Variants in SLIT3 observed in about 807,000 individuals in gnomAD.
The protein encoded by SLIT3 is slit homolog 3 protein.
A neutral mutation model predicts 184.0 loss-of-function variants in SLIT3; 68 were observed. The observed-to-expected ratio is 0.37, with a 90% CI of 0.30 to 0.45. The LOEUF is 0.45. SLIT3 is among the 20% of genes least tolerant of loss of function. The probability of loss-of-function intolerance (pLI) is 1.00; values close to 1 mark genes in which losing one functional copy is unlikely to be tolerated. For missense variants in SLIT3, 1,707 were observed against 2,026.0 expected (o/e 0.84, Z 3.02); for synonymous variants, 831 against 828.6 (o/e 1.00, Z -0.05).
intron 3 of SLIT3, among the ~76,000 whole-genome samples, chr5:169,221,376 G>A (rs574118722): frequency 6.6e-6 from 1 of 152,140 alleles, no homozygotes; most frequent in Non-Finnish European, 1.5e-5. Context: ...CATTATGTGA[G>A]TGTCAATACA....
rs151115591 is a variant in SLIT3, at chr5:168,968,452, T to A, written c.414-85116A>T. ...ACACCACTCTTCACTGCCATCATTG[T>A]CAACAGTCTCGCTGCCAACTTTGGA... On this transcript the variant is annotated intron_variant, in intron 4 of 35. Coordinates refer to ENST00000519560, the MANE Select transcript of SLIT3 (RefSeq NM_003062.4). Among the ~76,000 whole-genome samples, 91 of 152,332 alleles carry A rather than the reference T, an allele frequency of 6.0e-4. 1 individual carries two copies. In the East Asian group the frequency reaches 9.6e-3, roughly 16 times the overall value.
In SLIT3 at chr5:168,723,679, G is replaced by A. The variant is rs141921474; in HGVS notation, c.2340-675C>T. 1.1e-3 allele frequency among the ~76,000 whole-genome samples: 165 copies of A among 152,298 alleles called. 1 individual carries two copies. The East Asian group carries it at 0.027, about 25-fold the overall frequency. ...TAGGAGGACTGAGGTTGGTGGGGGT[G>A]CAGTCCTCTGCCAGCTGCAACCTCG... On this transcript the variant is annotated intron_variant, in intron 21 of 35. Coordinates refer to ENST00000519560, the MANE Select transcript of SLIT3 (RefSeq NM_003062.4).
At chr5:168,941,433 G>T (rs958642608) in intron 4 of SLIT3, among the ~76,000 whole-genome samples, 1 of 152,120 alleles carries the variant, frequency 6.6e-6, no homozygotes, top group Non-Finnish European at 1.5e-5. Context: ...GTTGTTTTTA[G>T]TATGAAATGG....
At chr5:168,850,861 G>T (rs1758642908) in intron 5 of SLIT3, among the ~76,000 whole-genome samples, 1 of 152,104 alleles carries the variant, frequency 6.6e-6, no homozygotes, top group Admixed American at 6.5e-5. Context: ...TGATGGATTA[G>T]CCACAAAGAG....
intron 4 of SLIT3, among the ~76,000 whole-genome samples, chr5:169,019,052 A>C (rs1190151828): frequency 2.6e-5 from 4 of 152,192 alleles, no homozygotes; most frequent in African/African-American, 9.7e-5. Flanking sequence ...AACAGGAAGG[A>C]AGCCTTGTAC....
At chr5:169,249,714 C>G (rs1765709545) in intron 2 of SLIT3, among the ~76,000 whole-genome samples, 1 of 152,188 alleles carries the variant, frequency 6.6e-6, no homozygotes, top group Non-Finnish European at 1.5e-5. Context: ...AAAACTGAAC[C>G]ATGGAATTCC....
intron 23 of SLIT3, 102 bp from the exon 24 acceptor site, chr5:168,712,456 T>TAGGAG: frequency 2.0e-6 from 2 of 1,002,678 alleles, no homozygotes; most frequent in Non-Finnish European, 3.2e-6. Flanking sequence ...TCAGTTTTGC[T>TAGGAG]CAGAGCCCCA....
chr5:168,981,121 G>A (rs773341017), intron 4 of SLIT3, among the ~76,000 whole-genome samples: 1 of 152,106 alleles, frequency 6.6e-6, no homozygotes, highest in African/African-American at 2.4e-5. Context: ...CATGCAAGGC[G>A]CTATTTAGAA....
chr5:168,781,727 T>C (rs1031896372), intron 12 of SLIT3, among the ~76,000 whole-genome samples: 1 of 152,154 alleles, frequency 6.6e-6, no homozygotes, highest in Non-Finnish European at 1.5e-5. Flanking sequence ...GCTTGATCCA[T>C]TGAGAATTTC....
chr5:169,076,715 G>C (rs1444508049), intron 4 of SLIT3, among the ~76,000 whole-genome samples: 1 of 152,096 alleles, frequency 6.6e-6, no homozygotes, highest in African/African-American at 2.4e-5. Context: ...TCTAGAACTG[G>C]TTGTAGGATG....
At chr5:168,786,879 G>C (rs922960197) in intron 11 of SLIT3, among the ~76,000 whole-genome samples, 1 of 152,174 alleles carries the variant, frequency 6.6e-6, no homozygotes, top group South Asian at 2.1e-4. Flanking sequence ...CTGTGACCCA[G>C]GGAACTGATC....
At chr5:169,235,844 A>T (rs1209648178) in intron 3 of SLIT3, among the ~76,000 whole-genome samples, 2 of 152,248 alleles carry the variant, frequency 1.3e-5, no homozygotes, top group Non-Finnish European at 2.9e-5. Flanking sequence ...TCATTGCATC[A>T]TATCGAAAGT....
At chr5:169,272,369 T>C (rs1217231813) in intron 1 of SLIT3, among the ~76,000 whole-genome samples, 3 of 152,246 alleles carry the variant, frequency 2.0e-5, no homozygotes, top group African/African-American at 7.2e-5. Context: ...TCCCTGTTAC[T>C]TCCTAAGATT....
intron 4 of SLIT3, among the ~76,000 whole-genome samples, chr5:168,963,034 A>G (rs561475520): frequency 3.3e-5 from 5 of 152,246 alleles, no homozygotes; most frequent in South Asian, 2.1e-4. Flanking sequence ...TATTACATTT[A>G]GTTTCTTACT....
chr5:168,704,212 T>C lies in SLIT3; in HGVS notation c.2845-3533A>G, dbSNP rs1762310766. ...CACAAAAGTTTGAGAAGCACTGTTC[T>C]GAGACATTGAACATATGTGCCTGAA... On this transcript the variant is annotated intron_variant, in intron 26 of 35. Coordinates refer to ENST00000519560, the MANE Select transcript of SLIT3 (RefSeq NM_003062.4). Among the ~76,000 whole-genome samples, 2 of 150,638 alleles carry C rather than the reference T, an allele frequency of 1.3e-5. 1 individual carries two copies. The highest frequency in any genetic ancestry group is 5.0e-5 in the African/African-American group (2 of 39,920).
chr5:168,805,336 A>G (rs1756917247), intron 9 of SLIT3, among the ~76,000 whole-genome samples: 1 of 151,956 alleles, frequency 6.6e-6, no homozygotes, highest in African/African-American at 2.4e-5. Context: ...GAGGAGGAGG[A>G]GGAAGAGGAG....
chr5:168,917,056 C>T lies in SLIT3; in HGVS notation c.414-33720G>A, dbSNP rs72829606. ...TTCAGCTTCAGAGGTACAAAGGAGA[C>T]GGAAATAAATGAAGGGATTGCTAAA... On this transcript the variant is annotated intron_variant, in intron 4 of 35. Transcript: ENST00000519560. Among the ~76,000 whole-genome samples, 944 of 152,244 alleles carry T rather than the reference C, an allele frequency of 6.2e-3. 4 individuals carry two copies. Among genetic ancestry groups the T allele is most frequent in the Non-Finnish European group, 8.3e-3 (563 of 68,022 alleles).
At chr5:169,204,200 G>A (rs1163052534) in intron 3 of SLIT3, among the ~76,000 whole-genome samples, 1 of 151,992 alleles carries the variant, frequency 6.6e-6, no homozygotes, top group Admixed American at 6.6e-5. Flanking sequence ...AGGGAGATAG[G>A]GAGGGAGGGA....
intron 3 of SLIT3, among the ~76,000 whole-genome samples, chr5:169,235,989 T>G (rs1388379296): frequency 6.6e-6 from 1 of 152,196 alleles, no homozygotes; most frequent in Non-Finnish European, 1.5e-5. Flanking sequence ...TCGAAGGAAG[T>G]GTCTCTGTGA....
Sources: gnomAD v4.1 joint callset for allele counts (sites outside exome capture counted in the v4.1 genomes callset) on GRCh38, gnomAD v4.1.1 for gene constraint, MANE v1.5 for transcripts, NCBI Gene and HGNC (gene_info 2026-07-23, HGNC 2026-07-21) for gene names.